The following THEM4 variants were observed in gnomAD, a reference collection of about 807,000 sequenced individuals.
The protein encoded by THEM4 is acyl-coenzyme A thioesterase THEM4.
A neutral mutation model predicts 25.0 loss-of-function variants in THEM4; 22 were observed. The observed-to-expected ratio is 0.88, with a 90% CI of 0.63 to 1.26. The LOEUF (loss-of-function observed/expected upper bound fraction) is 1.26, where lower values mean the gene tolerates loss of function less well. Ranked by LOEUF, THEM4 falls within the 50% of genes most tolerant of loss-of-function variation. The pLI is 0.00. For synonymous variants in THEM4, 113 were observed against 105.6 expected (o/e 1.07, Z -0.43); for missense variants, 286 against 300.3 (o/e 0.95, Z 0.35).
At chr1:151,894,059 C>T (rs1041561190) in intron 2 of THEM4, among the ~76,000 whole-genome samples, 1 of 152,108 alleles carries the variant, frequency 6.6e-6, no homozygotes, top group Non-Finnish European at 1.5e-5. Flanking sequence ...GACGAGGTTT[C>T]ACCATGTTGG....
At chr1:151,893,392 C>CA (rs1654138102) in intron 2 of THEM4, among the ~76,000 whole-genome samples, 2 of 111,230 alleles carry the variant, frequency 1.8e-5, no homozygotes, top group Non-Finnish European at 3.8e-5. Context: ...ACAAAAAAAA[C>CA]AAAAAAACAA....
At chr1:151,878,734 T>A (rs1397262877) in intron 4 of THEM4, among the ~76,000 whole-genome samples, 1 of 152,238 alleles carries the variant, frequency 6.6e-6, no homozygotes, top group Non-Finnish European at 1.5e-5. Context: ...TAGGCACAGA[T>A]CAGTTTGGTT....
At chr1:151,894,834 T>A (rs1654183002) in intron 2 of THEM4, 174 bp downstream of exon 2, 1 of 703,474 alleles carries the variant, frequency 1.4e-6, no homozygotes, top group East Asian at 2.7e-5. Context: ...ATAGGCTTTA[T>A]GCTCTCCAAT....
Position 151,895,131 on chromosome 1 carries a change from T to C in THEM4, c.163A>G (p.Lys55Glu). ...TGGTCAAAGAGCAGTCTTAGGTCCT[T>C]GTTCCAGCTGGGGTTGGGGACAGAA... Reference protein sequence around the residue: ...DCSVPNPSWNKDLRLLFDQFM... With the variant: ...DCSVPNPSWNEDLRLLFDQFM... The change falls in exon 2 of 6, where the codon AAG becomes GAG. Residue 55 changes from lysine (K) to glutamate (E), a missense_variant. By Grantham distance (56) the Lys-to-Glu change is moderately conservative (BLOSUM62 1). Transcript: ENST00000368814. 1 of 1,614,122 alleles carries C rather than the reference T, an allele frequency of 6.2e-7. No homozygotes were observed. Among genetic ancestry groups the C allele is most frequent in the Non-Finnish European group, 8.5e-7 (1 of 1,180,012 alleles).
chr1:151,892,420 A>G lies in THEM4; in HGVS notation c.286+2588T>C, dbSNP rs921298692. Among the ~76,000 whole-genome samples the G allele has an allele frequency of 1.6e-4, 25 of 152,258 alleles. 1 individual carries two copies. Among genetic ancestry groups the G allele is most frequent in the African/African-American group, 5.8e-4 (24 of 41,536 alleles). ...GGCTTCAATGAAGACATTTCAGTAG[A>G]GCTGTGAGGGTAGAAGCCAGATTGT... On this transcript the variant is annotated intron_variant, in intron 2 of 5. Transcript: ENST00000368814.
intron 1 of THEM4, among the ~76,000 whole-genome samples, chr1:151,902,375 T>C (rs1460104194): frequency 1.3e-5 from 2 of 152,210 alleles, no homozygotes; most frequent in Non-Finnish European, 2.9e-5. Context: ...GAGACTATTA[T>C]TCTAAGTGAA....
Position 151,898,759 on chromosome 1 carries a change from A to G in THEM4, c.100-3565T>C, listed in dbSNP as rs1286367777. ...ACCCATAGACAGCTCACATCACAGGACTCTGTGCAGACAACTCCTAGTACC... is the reference window on the plus strand; with the variant it reads ...ACCCATAGACAGCTCACATCACAGGGCTCTGTGCAGACAACTCCTAGTACC... On this transcript the variant is annotated intron_variant, in intron 1 of 5. Coordinates refer to ENST00000368814, the MANE Select transcript of THEM4 (RefSeq NM_053055.5). Among the ~76,000 whole-genome samples the G allele has an allele frequency of 3.9e-5, 6 of 152,134 alleles. No homozygotes were observed. The South Asian group carries it at 6.2e-4, about 16-fold the overall frequency.
chr1:151,894,596 G>A (rs995430610), intron 2 of THEM4, among the ~76,000 whole-genome samples: 3 of 152,168 alleles, frequency 2.0e-5, no homozygotes, highest in African/African-American at 7.2e-5. Flanking sequence ...TGTTGGGTGG[G>A]TTGCCCTGGG....
Position 151,873,121 on chromosome 1 carries a change from A to G in THEM4, c.*1767T>C, listed in dbSNP as rs1437114468. Among the ~76,000 whole-genome samples, 1 of 151,982 alleles carries G rather than the reference A, an allele frequency of 6.6e-6. No individual in the cohort carries two copies. The highest frequency in any genetic ancestry group is 1.9e-4 in the East Asian group (1 of 5,184). On this transcript the variant is annotated 3_prime_UTR_variant, in exon 6 of 6. Coordinates refer to ENST00000368814, the MANE Select transcript of THEM4 (RefSeq NM_053055.5). The stretch of plus-strand genomic sequence containing the variant: ...ATACGCTGGCGGCAATGCTGCTGTT[A>G]CTCTTTGCTACACTGAGATGTTTGG...
intron 1 of THEM4, among the ~76,000 whole-genome samples, chr1:151,902,989 A>AAAAC (rs1054162167): frequency 6.6e-6 from 1 of 152,210 alleles, no homozygotes; most frequent in East Asian, 1.9e-4. Flanking sequence ...TTCTGTCTCA[A>AAAAC]AAACAAACAA....
chr1:151,894,882 G>A, intron 2 of THEM4, 126 bp downstream of exon 2: 1 of 1,063,148 alleles, frequency 9.4e-7, no homozygotes. Flanking sequence ...TATAAAATTG[G>A]TGACTATAGA....
At chr1:151,905,384 T>C (rs375502809) in intron 1 of THEM4, among the ~76,000 whole-genome samples, 3 of 152,102 alleles carry the variant, frequency 2.0e-5, no homozygotes, top group African/African-American at 7.2e-5. Context: ...GACAAGAACT[T>C]AGATGAATTG....
At position 151,901,113 on chromosome 1, in the gene THEM4, G is replaced by A. The variant is rs188345585; in HGVS notation, c.100-5919C>T. Among the ~76,000 whole-genome samples, 79 of 152,308 alleles carry A rather than the reference G, an allele frequency of 5.2e-4. 1 individual carries two copies. Among genetic ancestry groups the A allele is most frequent in the African/African-American group, 1.8e-3 (76 of 41,562 alleles). ...AAACAATGTTTATCACTGGCTTGCTGTCAATAAATATGTGGGTAAATCTCT... is the reference window on the plus strand; with the variant it reads ...AAACAATGTTTATCACTGGCTTGCTATCAATAAATATGTGGGTAAATCTCT... On this transcript the variant is annotated intron_variant, in intron 1 of 5. Transcript: ENST00000368814.
chr1:151,895,251 C>G, intron 1 of THEM4, 57 bp from the exon 2 acceptor site: 1 of 1,356,870 alleles, frequency 7.4e-7, no homozygotes, highest in Non-Finnish European at 1.0e-6. Context: ...TATTTCATAA[C>G]ATATTCTCCC....
At chr1:151,893,978 G>C (rs1257189714) in intron 2 of THEM4, among the ~76,000 whole-genome samples, 2 of 151,872 alleles carry the variant, frequency 1.3e-5, no homozygotes. Flanking sequence ...TTCTGCCTCA[G>C]CCTCCCAAGT....
At chr1:151,884,813 C>T (rs1220275305) in intron 4 of THEM4, among the ~76,000 whole-genome samples, 1 of 151,738 alleles carries the variant, frequency 6.6e-6, no homozygotes, top group African/African-American at 2.4e-5. Context: ...CTCAGCCTCC[C>T]AAGTAGCTGA....
chr1:151,889,366 C>T lies in THEM4; in HGVS notation c.294G>A (p.Lys98=). 6.2e-7 allele frequency: 1 copy of T among 1,612,864 alleles called. No individual in the cohort carries two copies. Among genetic ancestry groups the T allele is most frequent in the Non-Finnish European group, 8.5e-7 (1 of 1,179,426 alleles). The part of the protein sequence containing the change: ...QDFKTHFLDP[K]LMKEEQMSQA... ...GTGACATTTGTTCTTCTTTCATAAG[C>T]TTTGGGTCTATAGAAAATGAGGTGG... Residue 98 remains lysine (K), a synonymous_variant, in exon 3 of 6, where the codon AAG becomes AAA. Coordinates refer to ENST00000368814, the MANE Select transcript of THEM4 (RefSeq NM_053055.5).
At chr1:151,884,154 T>C (rs1653910708) in intron 4 of THEM4, among the ~76,000 whole-genome samples, 1 of 151,810 alleles carries the variant, frequency 6.6e-6, no homozygotes, top group African/African-American at 2.4e-5. Flanking sequence ...TGGCTACAAA[T>C]TAGAAACACA....
chr1:151,878,125 C>G lies in THEM4; in HGVS notation c.558-1000G>C, dbSNP rs144585874. Reference sequence around the variant, plus strand: ...GTGTTCTCGCCTGCCCAGCAACTCCCTTTTCTACTAACATGACTCTCTTCA... The same window carrying G: ...GTGTTCTCGCCTGCCCAGCAACTCCGTTTTCTACTAACATGACTCTCTTCA... On this transcript the variant is annotated intron_variant, in intron 4 of 5. Coordinates refer to ENST00000368814, the MANE Select transcript of THEM4 (RefSeq NM_053055.5). Among the ~76,000 whole-genome samples, 392 of 152,324 alleles carry G rather than the reference C, an allele frequency of 2.6e-3. 2 individuals carry two copies. The highest frequency in any genetic ancestry group is 8.9e-3 in the African/African-American group (370 of 41,570).
Sources: allele counts gnomAD v4.1 joint callset (sites outside exome capture counted in the v4.1 genomes callset), GRCh38; gene constraint gnomAD v4.1.1; transcripts MANE v1.5; gene names NCBI Gene and HGNC (gene_info 2026-07-23, HGNC 2026-07-21).